TENM2: variants seen among roughly 807,000 people sequenced by gnomAD.
TENM2 encodes the protein teneurin transmembrane protein 2.
A neutral mutation model predicts 245.2 loss-of-function variants in TENM2; 52 were observed. The observed-to-expected ratio is 0.21, with a 90% confidence interval of 0.17 to 0.27. The LOEUF (loss-of-function observed/expected upper bound fraction) is 0.27, where lower values mean the gene tolerates loss of function less well. Ranked by LOEUF, TENM2 falls within the 10% of genes least tolerant of loss-of-function variation. The pLI, the probability that TENM2 is intolerant of heterozygous loss-of-function variation, is 1.00. For synonymous variants in TENM2, 1,363 were observed against 1,438.9 expected, an observed-to-expected ratio of 0.95 and a Z score of 1.19; for missense variants, 3,046 against 3,666.8, an observed-to-expected ratio of 0.83 and a Z score of 4.37.
chr5:167,584,042 T>C (rs1234681206), intron 2 of TENM2, among the ~76,000 whole-genome samples: 1 of 152,246 alleles, frequency 6.6e-6, no homozygotes. Context: ...CACCTTATTG[T>C]AACAGTGTCC....
chr5:167,963,402 A>G (rs192656681), intron 4 of TENM2, among the ~76,000 whole-genome samples: 2 of 152,310 alleles, frequency 1.3e-5, no homozygotes, highest in East Asian at 1.9e-4. Context: ...TTTTAGGAGC[A>G]TGATGCCATG....
chr5:168,099,214 T>G (rs1313834029), intron 9 of TENM2, among the ~76,000 whole-genome samples: 2 of 151,980 alleles, frequency 1.3e-5, no homozygotes, highest in African/African-American at 2.4e-5. Flanking sequence ...CCGGCCTCGT[T>G]TTTTTTTAAT....
chr5:167,422,735 T>G (rs1422939859), intron 2 of TENM2, among the ~76,000 whole-genome samples: 1 of 152,092 alleles, frequency 6.6e-6, no homozygotes, highest in Non-Finnish European at 1.5e-5. Context: ...GTAAGATACC[T>G]CCATGAATCC....
At chr5:167,637,919 T>C (rs1328914172) in intron 2 of TENM2, among the ~76,000 whole-genome samples, 1 of 151,516 alleles carries the variant, frequency 6.6e-6, no homozygotes, top group Non-Finnish European at 1.5e-5. Flanking sequence ...CCATAGCACA[T>C]GTATACCTAC....
rs557267806 is a variant in TENM2 at position 167,853,061 on chromosome 5, C to T, written c.503-22925C>T. On this transcript the variant is annotated intron_variant, in intron 2 of 28. Transcript: ENST00000518659. The stretch of plus-strand genomic sequence containing the variant: ...CAGCACTTTGGGAGGCCGAGGCGGG[C>T]GCATCAGGAGGACAGGAGATCGAGA... 3.7e-3 allele frequency among the ~76,000 whole-genome samples: 553 copies of T among 150,186 alleles called. 2 individuals are homozygous for T. Among genetic ancestry groups the T allele is most frequent in the African/African-American group, 0.012 (505 of 40,912 alleles).
At chr5:167,989,395 TG>T (rs1236781497) in intron 4 of TENM2, among the ~76,000 whole-genome samples, 2 of 151,730 alleles carry the variant, frequency 1.3e-5, no homozygotes, top group African/African-American at 2.4e-5. Context: ...TTAGCTAGGA[TG>T]GGTTAGGTGG....
chr5:167,496,705 C>T (rs1271583210), intron 2 of TENM2, among the ~76,000 whole-genome samples: 1 of 152,072 alleles, frequency 6.6e-6, no homozygotes, highest in East Asian at 1.9e-4. Flanking sequence ...ATGATGTTAG[C>T]ACAGACCCTC....
intron 5 of TENM2, among the ~76,000 whole-genome samples, chr5:168,035,881 A>G (rs915648812): frequency 6.6e-6 from 1 of 152,214 alleles, no homozygotes; most frequent in Admixed American, 6.5e-5. Context: ...AAATTGGGAT[A>G]AAAAAGTAAC....
At chr5:168,140,750 G>T (rs1246148807) in intron 12 of TENM2, among the ~76,000 whole-genome samples, 1 of 152,158 alleles carries the variant, frequency 6.6e-6, no homozygotes, top group Admixed American at 6.6e-5. Context: ...AATAATTTGT[G>T]CTGCTTGGGA....
intron 27 of TENM2, among the ~76,000 whole-genome samples, chr5:168,255,293 C>T (rs568101648): frequency 1.3e-5 from 2 of 152,084 alleles, no homozygotes; most frequent in South Asian, 4.2e-4. Context: ...ACCTCATTAA[C>T]ACTTCTTTTT....
rs116657266 is a variant in TENM2 at position 167,674,956 on chromosome 5, T to A, written c.503-201030T>A. On this transcript the variant is annotated intron_variant, in intron 2 of 28. Transcript: ENST00000518659. ...ACAACTCCAAATTTGCATTTCTCAC[T>A]TTTGCCTTCTTCATTTCACTGTCTC... Among the ~76,000 whole-genome samples the A allele has an allele frequency of 7.2e-3, 1,103 of 152,208 alleles. 10 individuals are homozygous for A. The highest frequency in any genetic ancestry group is 0.023 in the African/African-American group (961 of 41,546).
chr5:167,631,888 A>T (rs951638969), intron 2 of TENM2, among the ~76,000 whole-genome samples: 1 of 151,872 alleles, frequency 6.6e-6, no homozygotes, highest in Non-Finnish European at 1.5e-5. Context: ...TATGTCTTTG[A>T]TTATTTATTT....
chr5:168,213,786 A>T (rs1743235922), intron 20 of TENM2, among the ~76,000 whole-genome samples: 1 of 152,176 alleles, frequency 6.6e-6, no homozygotes, highest in African/African-American at 2.4e-5. Context: ...GTGAGCTAGA[A>T]TTGTGCCACT....
At chr5:167,075,349 C>T in the TENM2 span, among the ~76,000 whole-genome samples, 24 of 152,238 alleles carry the variant, frequency 1.6e-4, no homozygotes, top group Admixed American at 4.6e-4. Context: ...ATCATCCTAA[C>T]CTCATCATCT....
chr5:167,798,417 C>T (rs1200648754), intron 2 of TENM2, among the ~76,000 whole-genome samples: 1 of 152,178 alleles, frequency 6.6e-6, no homozygotes, highest in African/African-American at 2.4e-5. Flanking sequence ...TGAATTAGGA[C>T]AAGAGGAAGA....
intron 2 of TENM2, among the ~76,000 whole-genome samples, chr5:167,465,216 T>A (rs148316853): frequency 2.7e-4 from 41 of 152,388 alleles, no homozygotes; most frequent in African/African-American, 9.9e-4. Context: ...AATGTTCACA[T>A]ATATGACTAT....
At chr5:167,683,145 T>C (rs1330254928) in intron 2 of TENM2, among the ~76,000 whole-genome samples, 1 of 152,258 alleles carries the variant, frequency 6.6e-6, no homozygotes, top group African/African-American at 2.4e-5. Context: ...ACTACACTTA[T>C]TTCTTTCACA....
intron 2 of TENM2, among the ~76,000 whole-genome samples, chr5:167,601,161 G>A (rs1776605676): frequency 6.6e-6 from 1 of 152,232 alleles, no homozygotes; most frequent in South Asian, 2.1e-4. Flanking sequence ...TAATTTGCAT[G>A]CTACTGGTAC....
the TENM2 span, among the ~76,000 whole-genome samples, chr5:167,232,000 T>C: frequency 6.6e-6 from 1 of 152,190 alleles, no homozygotes; most frequent in African/African-American, 2.4e-5. Flanking sequence ...CCCCAAGTAT[T>C]GGTGACTTGC....
Sources: gnomAD v4.1 joint callset for allele counts (sites outside exome capture counted in the v4.1 genomes callset) on GRCh38, gnomAD v4.1.1 for gene constraint, MANE v1.5 for transcripts, NCBI Gene and HGNC (gene_info 2026-07-23, HGNC 2026-07-21) for gene names.